The following GRIK1 variants were observed in gnomAD, a reference collection of about 807,000 sequenced individuals.
The protein encoded by GRIK1 is glutamate ionotropic receptor kainate type subunit 1.
Under a neutral mutation model 105.7 loss-of-function variants are expected in GRIK1, and 69 were observed. The ratio of observed to expected loss-of-function variants is 0.65; its 90% CI spans 0.54 to 0.80. The LOEUF (loss-of-function observed/expected upper bound fraction) is 0.80. Ranked by LOEUF, GRIK1 falls within the 30% of genes least tolerant of loss-of-function variation. GRIK1 has a pLI of 0.00. For synonymous variants in GRIK1, 438 were observed against 431.3 expected (o/e 1.02, Z -0.19); for missense variants, 1,109 against 1,167.3 (o/e 0.95, Z 0.73).
chr21:29,651,417 A>G lies in GRIK1; in HGVS notation c.781-126T>C. 4.5e-6 allele frequency: 3 copies of G among 661,330 alleles called. No individual in the cohort carries two copies. In the South Asian group the frequency reaches 7.3e-5, roughly 16 times the overall value. 41.0% of individuals were successfully genotyped at this position (661,330 alleles called of 1,614,324 possible). Reference sequence around the variant, plus strand: ...CCTTTTATCTGTGGTTTTGTGGTTCATGGTTTCAGTTACCTGCGGTCAACC... The same window carrying G: ...CCTTTTATCTGTGGTTTTGTGGTTCGTGGTTTCAGTTACCTGCGGTCAACC... On this transcript the variant is annotated intron_variant, in intron 5 of 17. Transcript: ENST00000327783.
chr21:29,802,890 G>T (rs1209120458), intron 1 of GRIK1, among the ~76,000 whole-genome samples: 1 of 152,136 alleles, frequency 6.6e-6, no homozygotes, highest in South Asian at 2.1e-4. Context: ...TACGTTGCAT[G>T]TTCCTTGAGG....
At chr21:29,698,096 G>C (rs1408066738) in intron 1 of GRIK1, among the ~76,000 whole-genome samples, 1 of 144,816 alleles carries the variant, frequency 6.9e-6, no homozygotes, top group Admixed American at 7.1e-5. Flanking sequence ...TACTTCTTTT[G>C]TATAATAATT....
Position 29,756,958 on chromosome 21 carries a change from A to G in GRIK1, c.119-62895T>C, listed in dbSNP as rs566412109. 1.7e-4 allele frequency among the ~76,000 whole-genome samples: 26 copies of G among 151,972 alleles called. No homozygotes were observed. In the South Asian group the frequency reaches 3.1e-3, roughly 18 times the overall value. On this transcript the variant is annotated intron_variant, in intron 1 of 17. Coordinates refer to ENST00000327783, the MANE Select transcript of GRIK1 (RefSeq NM_001330994.2). ...GTGAAACCCCATCTCTACTAAAAAC[A>G]TACAAAAAATTAGCTGGGTGTGGTG... is the stretch of plus-strand genomic sequence containing the variant.
intron 1 of GRIK1, among the ~76,000 whole-genome samples, chr21:29,813,130 G>C (rs420091): frequency 6.6e-6 from 1 of 151,918 alleles, no homozygotes; most frequent in African/African-American, 2.4e-5. Context: ...CCTGGCACAC[G>C]CATGTAAATG....
At position 29,587,385 on chromosome 21, in the gene GRIK1, C is replaced by T. The variant is rs1490507164; in HGVS notation, c.1774G>A (p.Val592Ile). 6.2e-7 allele frequency: 1 copy of T among 1,610,448 alleles called. No homozygotes were observed. Among genetic ancestry groups the T allele is most frequent in the Non-Finnish European group, 8.5e-7 (1 of 1,176,704 alleles). ...ACTTACCTTGCAATCACAAAGAGTA[C>T]ACAGCTGACTCCCAAGCAGGCTAAG... is the stretch of plus-strand genomic sequence containing the variant. ...VLLACLGVSC[V>I]LFVIARFTPY... The change falls in exon 12 of 18, where the codon GTA (valine) becomes ATA (isoleucine). Residue 592 changes from valine to isoleucine, a missense_variant. By Grantham distance (29) the Val-to-Ile change is conservative. This residue lies in a region of GRIK1 where 264 missense variants were observed against 306.9 expected (regional missense o/e 0.86). Coordinates refer to ENST00000327783, the MANE Select transcript of GRIK1 (RefSeq NM_001330994.2).
chr21:29,838,611 T>C (rs898646716), intron 1 of GRIK1, among the ~76,000 whole-genome samples: 1 of 152,186 alleles, frequency 6.6e-6, no homozygotes, highest in Non-Finnish European at 1.5e-5. Flanking sequence ...CTAGTAGGTC[T>C]AAGAGAAATC....
intron 7 of GRIK1, among the ~76,000 whole-genome samples, chr21:29,635,529 G>A (rs752245398): frequency 2.6e-5 from 4 of 152,184 alleles, no homozygotes; most frequent in Non-Finnish European, 4.4e-5. Flanking sequence ...AGCTGAAGAC[G>A]CAGAAGACCA....
intron 16 of GRIK1, among the ~76,000 whole-genome samples, chr21:29,545,022 AG>A (rs1260555067): frequency 3.9e-5 from 6 of 152,364 alleles, no homozygotes; most frequent in African/African-American, 1.4e-4. Flanking sequence ...AATGGAGCAG[AG>A]AAGTGTCAGT....
rs56304105 is a variant in GRIK1, at chr21:29,553,493, A to G, written c.2607+1559T>C. On this transcript the variant is annotated intron_variant, in intron 16 of 17. Transcript: ENST00000327783. Reference sequence around the variant, plus strand: ...TTATGCTTAGCAAATACAAATATCAACAACACCAATTAGCAAAAACATTTT... The same window carrying G: ...TTATGCTTAGCAAATACAAATATCAGCAACACCAATTAGCAAAAACATTTT... 6 of 1,484,568 alleles carry G rather than the reference A, an allele frequency of 4.0e-6. No homozygotes were observed. In the South Asian group the frequency reaches 4.5e-5, roughly 11 times the overall value. The allele number at this position is 1,484,568 out of a possible 1,614,324, so 92.0% of individuals were successfully genotyped here.
chr21:29,686,619 A>G (rs927965208), intron 3 of GRIK1, among the ~76,000 whole-genome samples: 1 of 152,246 alleles, frequency 6.6e-6, no homozygotes, highest in Non-Finnish European at 1.5e-5. Flanking sequence ...ATTGGAACAC[A>G]CTGGGTCCAT....
intron 1 of GRIK1, among the ~76,000 whole-genome samples, chr21:29,905,149 A>G (rs1285403506): frequency 6.6e-6 from 1 of 152,186 alleles, no homozygotes; most frequent in African/African-American, 2.4e-5. Flanking sequence ...AGCAATTTAG[A>G]AACATGATTA....
chr21:29,634,621 C>G (rs577484646), intron 7 of GRIK1, among the ~76,000 whole-genome samples: 1 of 116,108 alleles, frequency 8.6e-6, no homozygotes, highest in South Asian at 2.4e-4. Context: ...AAAGATCTTA[C>G]GGTGCTGAGT....
At chr21:29,630,669 T>C in intron 7 of GRIK1, 3 of 453,056 alleles carry the variant, frequency 6.6e-6, no homozygotes, top group South Asian at 4.9e-5. Context: ...TCGTGGACCC[T>C]GAGCAGAGAA....
intron 1 of GRIK1, among the ~76,000 whole-genome samples, chr21:29,723,460 C>T (rs1035454975): frequency 7.9e-5 from 12 of 152,166 alleles, no homozygotes; most frequent in Admixed American, 6.5e-4. Context: ...AGAGTAATTG[C>T]TCCCAAATTT....
chr21:29,823,061 T>G (rs2067349139), intron 1 of GRIK1, among the ~76,000 whole-genome samples: 1 of 151,996 alleles, frequency 6.6e-6, no homozygotes, highest in Non-Finnish European at 1.5e-5. Flanking sequence ...ACATCACTGC[T>G]AGTTTCCTTG....
intron 14 of GRIK1, among the ~76,000 whole-genome samples, chr21:29,563,530 C>T (rs1323993408): frequency 6.6e-6 from 1 of 152,170 alleles, no homozygotes; most frequent in African/African-American, 2.4e-5. Flanking sequence ...AGCTGCAGCT[C>T]ATGTCCCCAT....
intron 1 of GRIK1, among the ~76,000 whole-genome samples, chr21:29,754,615 C>G (rs533964842): frequency 6.6e-6 from 1 of 152,344 alleles, no homozygotes; most frequent in Non-Finnish European, 1.5e-5. Context: ...AATGTGTCAA[C>G]TTGACCAGGC....
At chr21:29,905,994 G>C (rs1042925819) in intron 1 of GRIK1, among the ~76,000 whole-genome samples, 1 of 151,990 alleles carries the variant, frequency 6.6e-6, no homozygotes, top group African/African-American at 2.4e-5. Context: ...GGTGGAGTGT[G>C]TGTATGCATT....
At chr21:29,716,134 C>T (rs1403621069) in intron 1 of GRIK1, among the ~76,000 whole-genome samples, 3 of 152,138 alleles carry the variant, frequency 2.0e-5, no homozygotes, top group African/African-American at 4.8e-5. Flanking sequence ...ATGTTTGCTT[C>T]CCCTTCCACC....
Sources: allele counts gnomAD v4.1 joint callset (sites outside exome capture counted in the v4.1 genomes callset), GRCh38; gene constraint gnomAD v4.1.1; regional missense constraint gnomAD v4.1.1; transcripts MANE v1.5; gene names NCBI Gene and HGNC (gene_info 2026-07-23, HGNC 2026-07-21).